Variants in GTF2B observed in about 807,000 individuals in gnomAD.
The protein encoded by GTF2B is transcription initiation factor IIB.
Under a neutral mutation model 34.6 loss-of-function variants are expected in GTF2B, and 20 were observed. That is an observed-to-expected ratio of 0.58 (90% CI 0.41 to 0.84). The LOEUF is 0.84. Among genes scored for constraint, GTF2B ranks in the 40% least tolerant of loss-of-function variants. The pLI, the probability that GTF2B is intolerant of heterozygous loss-of-function variation, is 0.00. For synonymous variants in GTF2B, 142 were observed against 132.4 expected, an observed-to-expected ratio of 1.07 and a Z score of -0.50; for missense variants, 237 against 393.3, an observed-to-expected ratio of 0.60 and a Z score of 3.36.
At chr1:88,872,325 T>C (rs1306979764) in intron 2 of GTF2B, among the ~76,000 whole-genome samples, 1 of 151,620 alleles carries the variant, frequency 6.6e-6, no homozygotes, top group East Asian at 2.0e-4. Flanking sequence ...TGGTGCTGCA[T>C]GCCTGCAACC....
At chr1:88,863,122 T>C (rs1360462870) in intron 3 of GTF2B, among the ~76,000 whole-genome samples, 1 of 152,290 alleles carries the variant, frequency 6.6e-6, no homozygotes, top group Admixed American at 6.5e-5. Flanking sequence ...CCTTACACAA[T>C]GATAGCAGCT....
intron 2 of GTF2B, among the ~76,000 whole-genome samples, chr1:88,879,293 T>C (rs1360016340): frequency 6.6e-6 from 1 of 152,018 alleles, no homozygotes; most frequent in Non-Finnish European, 1.5e-5. Flanking sequence ...AAAAAGGTGA[T>C]AGTGGCCAGG....
chr1:88,872,178 G>A (rs1044187459), intron 2 of GTF2B, among the ~76,000 whole-genome samples: 1 of 152,038 alleles, frequency 6.6e-6, no homozygotes, highest in Admixed American at 6.6e-5. Flanking sequence ...TTTAGGCCGG[G>A]TGCGGTGGCT....
chr1:88,861,198 T>C (rs1374828064), intron 3 of GTF2B, among the ~76,000 whole-genome samples: 2 of 152,172 alleles, frequency 1.3e-5, no homozygotes, highest in African/African-American at 4.8e-5. Context: ...TTGAGAAACA[T>C]GTGAGACGTT....
chr1:88,874,589 C>T (rs1455628125), intron 2 of GTF2B, among the ~76,000 whole-genome samples: 2 of 150,736 alleles, frequency 1.3e-5, no homozygotes, highest in African/African-American at 2.4e-5. Context: ...GTGATCCTCC[C>T]GCCTCAGCCT....
At chr1:88,887,583 TA>T (rs1674105879) in intron 1 of GTF2B, 1 of 470,236 alleles carries the variant, frequency 2.1e-6, no homozygotes, top group Non-Finnish European at 3.9e-6. Context: ...ATTCTTATTT[TA>T]TTGTGGAAGG....
chr1:88,878,032 G>T (rs978984446), intron 2 of GTF2B, among the ~76,000 whole-genome samples: 1 of 152,216 alleles, frequency 6.6e-6, no homozygotes, highest in Admixed American at 6.5e-5. Flanking sequence ...ATTTTGGGAG[G>T]CCAAGGCGGG....
chr1:88,860,003 T>TCGAG lies in GTF2B; in HGVS notation c.413_414insCTCG (p.Asn139SerfsTer3). 6.2e-7 allele frequency: 1 copy of TCGAG among 1,613,910 alleles called. No homozygotes were observed. The highest frequency in any genetic ancestry group is 8.5e-7 in the Non-Finnish European group (1 of 1,179,834). On this transcript the variant is annotated frameshift_variant, in exon 5 of 7. Transcript: ENST00000370500. LOFTEE classifies it high-confidence loss of function. ...CATATACTTGCTTGAATAAATTATT[T>TCGAG]GTTCGATCCTTCAAAGCAGAGAAAC...
At chr1:88,889,295 G>C (rs1674142583) in intron 1 of GTF2B, among the ~76,000 whole-genome samples, 1 of 152,168 alleles carries the variant, frequency 6.6e-6, no homozygotes, top group Non-Finnish European at 1.5e-5. Context: ...TGCTAAATTA[G>C]TAAACTTAAT....
intron 2 of GTF2B, among the ~76,000 whole-genome samples, chr1:88,886,448 CTT>C (rs750863400): frequency 6.6e-6 from 1 of 152,144 alleles, no homozygotes; most frequent in African/African-American, 2.4e-5. Context: ...CAAGGTGAAA[CTT>C]TAAGTGTTAT....
intron 2 of GTF2B, among the ~76,000 whole-genome samples, chr1:88,883,243 T>G (rs1479393781): frequency 2.0e-5 from 3 of 152,206 alleles, no homozygotes; most frequent in African/African-American, 2.4e-5. Context: ...AACCATCCAG[T>G]GTTCAACAGC....
intron 2 of GTF2B, among the ~76,000 whole-genome samples, chr1:88,864,719 T>G (rs1439082493): frequency 6.6e-6 from 1 of 152,206 alleles, no homozygotes. Context: ...TCATGTCCAA[T>G]AAAAGCAGAC....
chr1:88,859,827 C>CA, intron 5 of GTF2B, 55 bp downstream of exon 5: 2 of 1,521,482 alleles, frequency 1.3e-6, no homozygotes, highest in Non-Finnish European at 1.8e-6. Flanking sequence ...CAAAGTGAGA[C>CA]CCTATCTCAA....
At chr1:88,872,583 G>C (rs1673722501) in intron 2 of GTF2B, among the ~76,000 whole-genome samples, 1 of 147,754 alleles carries the variant, frequency 6.8e-6, no homozygotes, top group South Asian at 2.2e-4. Flanking sequence ...TTCTTGATTT[G>C]TAGCCCTGAG....
At chr1:88,865,043 C>T (rs1019794620) in intron 2 of GTF2B, among the ~76,000 whole-genome samples, 1 of 152,132 alleles carries the variant, frequency 6.6e-6, no homozygotes, top group Non-Finnish European at 1.5e-5. Flanking sequence ...AGGAACCAGA[C>T]CATTTCATCT....
intron 2 of GTF2B, among the ~76,000 whole-genome samples, chr1:88,882,677 T>C (rs1673977092): frequency 6.6e-6 from 1 of 152,238 alleles, no homozygotes; most frequent in Admixed American, 6.5e-5. Context: ...GTGTCAATGA[T>C]GTTGTGTTAA....
intron 6 of GTF2B, among the ~76,000 whole-genome samples, chr1:88,853,780 G>C (rs1447270883): frequency 1.3e-5 from 2 of 152,176 alleles, no homozygotes; most frequent in African/African-American, 4.8e-5. Context: ...CTCCAGCCTG[G>C]CGAGAGAGCA....
intron 4 of GTF2B, 54 bp from the exon 5 acceptor site, chr1:88,860,065 T>C: frequency 2.5e-6 from 4 of 1,610,452 alleles, no homozygotes; most frequent in Non-Finnish European, 3.4e-6. Flanking sequence ...AGCTGCAATA[T>C]CAAAATTTCA....
chr1:88,865,359 A>G (rs1359467001), intron 2 of GTF2B, among the ~76,000 whole-genome samples: 1 of 152,236 alleles, frequency 6.6e-6, no homozygotes, highest in African/African-American at 2.4e-5. Context: ...TATGAAAATT[A>G]GAAAGATAGC....
Sources: allele counts gnomAD v4.1 joint callset (sites outside exome capture counted in the v4.1 genomes callset), GRCh38; gene constraint gnomAD v4.1.1; transcripts MANE v1.5; gene names NCBI Gene and HGNC (gene_info 2026-07-23, HGNC 2026-07-21).